Variants in SLC25A19 observed in about 807,000 individuals in gnomAD.
SLC25A19 encodes solute carrier family 25 member 19, also known as mitochondrial thiamine pyrophosphate carrier.
Under a neutral mutation model 27.9 loss-of-function variants are expected in SLC25A19, and 18 were observed. The ratio of observed to expected loss-of-function variants is 0.64; its 90% CI spans 0.45 to 0.96. The LOEUF (loss-of-function observed/expected upper bound fraction) is 0.96, where lower values mean the gene tolerates loss of function less well. SLC25A19 is among the 40% of genes least tolerant of loss of function. The pLI is 0.00. For missense variants in SLC25A19, 371 were observed against 418.3 expected (o/e 0.89, Z 0.99); for synonymous variants, 169 against 167.1 (o/e 1.01, Z -0.09).
At chr17:75,287,961 T>C (rs539195663) in intron 2 of SLC25A19, among the ~76,000 whole-genome samples, 235 of 151,852 alleles carry the variant, frequency 1.5e-3, no homozygotes, top group Non-Finnish European at 2.7e-3. Flanking sequence ...CTGGCCAACA[T>C]GGTGAAACCC....
chr17:75,275,885 C>T (rs547835378), intron 7 of SLC25A19, among the ~76,000 whole-genome samples: 1 of 151,480 alleles, frequency 6.6e-6, no homozygotes, highest in Non-Finnish European at 1.5e-5. Flanking sequence ...GCAGGAGAAT[C>T]GCTTGAACCA....
At chr17:75,275,344 T>C (rs141005310) in intron 7 of SLC25A19, among the ~76,000 whole-genome samples, 413 of 152,086 alleles carry the variant, frequency 2.7e-3, no homozygotes, top group Non-Finnish European at 4.9e-3. Flanking sequence ...ACAAAGAAAA[T>C]GCATTATAAC....
Position 75,284,633 on chromosome 17 carries a change from C to CATTTTTTTTTTTTTTTTTTTTT in SLC25A19, c.289-1041_289-1040insAAAAAAAAAAAAAAAAAAAAAT, listed in dbSNP as rs776356552. On this transcript the variant is annotated intron_variant, in intron 4 of 7. Transcript: ENST00000416858. Reference sequence around the variant, plus strand: ...GTGACCCCCTTACATTCAGATCTTTCTTTTTTTTTTTTTTTTTTTTTTTTT... The same window carrying CATTTTTTTTTTTTTTTTTTTTT: ...GTGACCCCCTTACATTCAGATCTTTCATTTTTTTTTTTTTTTTTTTTTTTTTTTTTTTTTTTTTTTTTTTTTT... 1.4e-4 allele frequency among the ~76,000 whole-genome samples: 16 copies of CATTTTTTTTTTTTTTTTTTTTT among 112,292 alleles called. 7 individuals are homozygous for CATTTTTTTTTTTTTTTTTTTTT. Among genetic ancestry groups the CATTTTTTTTTTTTTTTTTTTTT allele is most frequent in the Non-Finnish European group, 1.4e-4 (8 of 55,872 alleles). 73.7% of individuals were successfully genotyped at this position (112,292 alleles called of 152,430 possible).
intron 4 of SLC25A19, among the ~76,000 whole-genome samples, chr17:75,284,759 C>A (rs9915266): frequency 0.02 from 3,004 of 151,354 alleles, 90 homozygotes; most frequent in African/African-American, 0.066. Context: ...CCTCTCACCT[C>A]AGCTCCTCAA....
chr17:75,276,823 C>T (rs1024721556), intron 7 of SLC25A19, among the ~76,000 whole-genome samples: 1 of 146,382 alleles, frequency 6.8e-6, no homozygotes, highest in African/African-American at 2.4e-5. Context: ...TACACGTGCC[C>T]ACCACCACGC....
chr17:75,286,607 A>G (rs1014862745), intron 3 of SLC25A19, 26 bp downstream of exon 3: 2 of 1,614,172 alleles, frequency 1.2e-6, no homozygotes, highest in Non-Finnish European at 8.5e-7. Flanking sequence ...CCTCCAGTCC[A>G]TTGCATGGAA....
In SLC25A19 at chr17:75,276,647, A is replaced by T. The variant is rs9916709; in HGVS notation, c.774+706T>A. 4.7e-5 allele frequency among the ~76,000 whole-genome samples: 7 copies of T among 148,332 alleles called. No homozygotes were observed. In the South Asian group the frequency reaches 1.1e-3, roughly 23 times the overall value. ...CCTCCCAAAATGTTGGGATTACAGGAGTGAGCCACCACGTCCACGCCCAGC... is the reference window on the plus strand; with the variant it reads ...CCTCCCAAAATGTTGGGATTACAGGTGTGAGCCACCACGTCCACGCCCAGC... On this transcript the variant is annotated intron_variant, in intron 7 of 7. Transcript: ENST00000416858.
At chr17:75,282,169 C>A (rs978017276) in intron 5 of SLC25A19, among the ~76,000 whole-genome samples, 2 of 152,184 alleles carry the variant, frequency 1.3e-5, no homozygotes, top group African/African-American at 2.4e-5. Flanking sequence ...AGAAGGATCA[C>A]TTGATCCCAG....
chr17:75,283,686 G>T (rs2078111728), intron 4 of SLC25A19, 93 bp from the exon 5 acceptor site: 1 of 1,303,370 alleles, frequency 7.7e-7, no homozygotes, highest in Non-Finnish European at 1.1e-6. Flanking sequence ...CCCGGCTGGG[G>T]CCCAGGTGGA....
At chr17:75,286,278 G>A (rs761998498) in intron 4 of SLC25A19, 26 bp downstream of exon 4, 7 of 1,612,190 alleles carry the variant, frequency 4.3e-6, no homozygotes, top group Non-Finnish European at 5.9e-6. Context: ...GACCCCAGAG[G>A]TCTGGCCAGG....
chr17:75,277,622 C>G, intron 6 of SLC25A19, 139 bp from the exon 7 acceptor site: 2 of 977,834 alleles, frequency 2.0e-6, no homozygotes, highest in Admixed American at 3.9e-5. Flanking sequence ...CACTGGTCCT[C>G]CCATTCCAAA....
At chr17:75,274,216 A>T (rs1034143201) in intron 7 of SLC25A19, among the ~76,000 whole-genome samples, 1 of 151,948 alleles carries the variant, frequency 6.6e-6, no homozygotes, top group Non-Finnish European at 1.5e-5. Flanking sequence ...TGGCTCCAGA[A>T]CCTCTTCCCA....
Position 75,288,605 on chromosome 17 carries a change from AAGGAAGG to A in SLC25A19, c.-128-21_-128-15del, listed in dbSNP as rs2078236550. ...CAGGGAGAAGGGCTGAGAAGGGAAAAAGGAAGGTAGACCTGTCGATAATTCTATACTG... is the reference window on the plus strand; with the variant it reads ...CAGGGAGAAGGGCTGAGAAGGGAAAATAGACCTGTCGATAATTCTATACTG... On this transcript the variant is annotated splice_polypyrimidine_tract_variant and intron_variant, in intron 1 of 7. Coordinates refer to ENST00000416858, the MANE Select transcript of SLC25A19 (RefSeq NM_001126121.2). 6.6e-6 allele frequency: 1 copy of A among 151,466 alleles called. No individual in the cohort carries two copies. Among genetic ancestry groups the A allele is most frequent in the Non-Finnish European group, 1.5e-5 (1 of 67,904 alleles). The allele number at this position is 151,466 out of a possible 1,614,324, so 9.4% of individuals were successfully genotyped here.
chr17:75,273,783 C>T (rs191515900), intron 7 of SLC25A19, 144 bp from the exon 8 acceptor site: 55 of 722,150 alleles, frequency 7.6e-5, no homozygotes, highest in African/African-American at 6.5e-4. Context: ...TTCGTTGAGG[C>T]AGAGTCTCAC....
At chr17:75,286,928 GC>G in intron 2 of SLC25A19, 126 bp from the exon 3 acceptor site, 1 of 953,850 alleles carries the variant, frequency 1.0e-6, no homozygotes, top group South Asian at 1.5e-5. Context: ...TGGACTGGGC[GC>G]AGCGGTTCAT....
intron 6 of SLC25A19, 106 bp from the exon 7 acceptor site, chr17:75,277,589 C>T (rs2077923526): frequency 1.5e-6 from 2 of 1,331,332 alleles, no homozygotes; most frequent in African/African-American, 1.4e-5. Flanking sequence ...CCAAACCCCA[C>T]AAGCGCACTT....
intron 5 of SLC25A19, among the ~76,000 whole-genome samples, chr17:75,280,686 G>A (rs982868761): frequency 2.0e-5 from 3 of 151,914 alleles, no homozygotes; most frequent in African/African-American, 4.8e-5. Flanking sequence ...GGTGGTGGGC[G>A]CCTGTAATCC....
At chr17:75,288,426 C>G (rs1320008830) in intron 2 of SLC25A19, 76 bp downstream of exon 2, 1 of 152,140 alleles carries the variant, frequency 6.6e-6, no homozygotes, top group Non-Finnish European at 1.5e-5. Context: ...CAGAGCTCAG[C>G]TAAAAAGCAT....
intron 7 of SLC25A19, among the ~76,000 whole-genome samples, chr17:75,275,351 T>C (rs2077855710): frequency 6.6e-6 from 1 of 152,020 alleles, no homozygotes; most frequent in Non-Finnish European, 1.5e-5. Context: ...AAATGCATTA[T>C]AACTATAAAC....
Sources: allele counts gnomAD v4.1 joint callset (sites outside exome capture counted in the v4.1 genomes callset), GRCh38; gene constraint gnomAD v4.1.1; transcripts MANE v1.5; gene names NCBI Gene and HGNC (gene_info 2026-07-23, HGNC 2026-07-21).